SNTG1: variants seen among roughly 807,000 people sequenced by gnomAD.
SNTG1 encodes the protein syntrophin gamma 1.
Under a neutral mutation model 74.7 loss-of-function variants are expected in SNTG1, and 39 were observed. The observed-to-expected ratio is 0.52, with a 90% CI of 0.40 to 0.68. The LOEUF is 0.68. Among genes scored for constraint, SNTG1 ranks in the 30% least tolerant of loss-of-function variants. The pLI, the probability that SNTG1 is intolerant of heterozygous loss-of-function variation, is 0.00. For missense variants in SNTG1, 685 were observed against 609.5 expected (o/e 1.12, Z -1.30); for synonymous variants, 254 against 217.1 (o/e 1.17, Z -1.49).
intron 15 of SNTG1, among the ~76,000 whole-genome samples, chr8:50,678,088 C>A (rs1004151978): frequency 6.7e-6 from 1 of 150,296 alleles, no homozygotes; most frequent in Non-Finnish European, 1.5e-5. Flanking sequence ...ACATGTATCC[C>A]GGAACTTAAA....
chr8:50,598,376 C>A (rs1039880264), intron 13 of SNTG1, among the ~76,000 whole-genome samples: 3 of 151,734 alleles, frequency 2.0e-5, no homozygotes, highest in Admixed American at 6.6e-5. Context: ...GTTCTTGACA[C>A]TTTTGTTGGC....
At chr8:50,267,401 CAT>C (rs1430958967) in intron 2 of SNTG1, among the ~76,000 whole-genome samples, 1 of 152,086 alleles carries the variant, frequency 6.6e-6, no homozygotes, top group African/African-American at 2.4e-5. Context: ...CAAATATACA[CAT>C]GAGAAGATAT....
Position 50,752,043 on chromosome 8 carries a change from T to C in SNTG1, c.1327T>C (p.Ser443Pro). 1.3e-6 allele frequency: 2 copies of C among 1,570,360 alleles called. No homozygotes were observed. The highest frequency in any genetic ancestry group is 1.7e-6 in the Non-Finnish European group (2 of 1,162,204). ...TAAATTCTCTCAGCTTAAAGGTTCTTCAGATGATGGCAAGAGCAAAATCAA... is the reference window on the plus strand; with the variant it reads ...TAAATTCTCTCAGCTTAAAGGTTCTCCAGATGATGGCAAGAGCAAAATCAA... ...RYKFSQLKGS[S>P]DDGKSKIKFL... The change falls in exon 18 of 19, where the codon TCA (serine) becomes CCA (proline). Residue 443 changes from serine (S) to proline (P), a missense_variant. Ser to Pro is a moderately conservative substitution (Grantham distance 74, BLOSUM62 -1). Coordinates refer to ENST00000642720, the MANE Select transcript of SNTG1 (RefSeq NM_018967.5).
chr8:50,244,382 C>T (rs747788905), intron 2 of SNTG1, among the ~76,000 whole-genome samples: 3 of 151,978 alleles, frequency 2.0e-5, no homozygotes, highest in Non-Finnish European at 2.9e-5. Context: ...CTTTTTTTCA[C>T]TGTGTCAACA....
intron 1 of SNTG1, among the ~76,000 whole-genome samples, chr8:50,138,628 C>G (rs530137624): frequency 7.8e-5 from 11 of 140,850 alleles, no homozygotes; most frequent in Admixed American, 4.3e-4. Context: ...TCTGTCTCAA[C>G]AATAATAATA....
intron 1 of SNTG1, among the ~76,000 whole-genome samples, chr8:50,053,327 T>C (rs891406254): frequency 6.6e-6 from 1 of 151,972 alleles, no homozygotes; most frequent in Non-Finnish European, 1.5e-5. Context: ...CTAAGTGAAA[T>C]AAGTAAAAAA....
chr8:50,319,016 AC>A (rs1417445067), intron 2 of SNTG1, among the ~76,000 whole-genome samples: 2 of 151,942 alleles, frequency 1.3e-5, no homozygotes, highest in South Asian at 2.1e-4. Flanking sequence ...TACACACAGA[AC>A]ACATATACAC....
rs962478637 is a variant in SNTG1 at position 50,501,888 on chromosome 8, A to C, written c.364-890A>C. Among the ~76,000 whole-genome samples the C allele has an allele frequency of 8.6e-4, 131 of 151,996 alleles. 2 individuals are homozygous for C. The highest frequency in any genetic ancestry group is 2.0e-4 in the Admixed American group (3 of 15,264). On this transcript the variant is annotated intron_variant, in intron 8 of 18. Transcript: ENST00000642720. Reference sequence around the variant, plus strand: ...TTCCATGTTTATTAACTGCTTTTTCACTGATTATTCTTGTCTCATTTTACA... The same window carrying C: ...TTCCATGTTTATTAACTGCTTTTTCCCTGATTATTCTTGTCTCATTTTACA...
At chr8:50,059,863 G>C (rs55939418) in intron 1 of SNTG1, among the ~76,000 whole-genome samples, 1 of 152,098 alleles carries the variant, frequency 6.6e-6, no homozygotes, top group Non-Finnish European at 1.5e-5. Context: ...ATACCTAGAA[G>C]TAAAATTGCT....
In SNTG1 at chr8:50,754,573, G is replaced by C. The variant is rs1261385688; in HGVS notation, c.1395+2462G>C. On this transcript the variant is annotated intron_variant, in intron 18 of 18. Coordinates refer to ENST00000642720, the MANE Select transcript of SNTG1 (RefSeq NM_018967.5). ...TTAGATTATAATTTTTTGGTGCCTT[G>C]TCTCTGTTTTTCTGTTAATTGTGCT... Among the ~76,000 whole-genome samples, 13 of 151,718 alleles carry C rather than the reference G, an allele frequency of 8.6e-5. No homozygotes were observed. In the Admixed American group the frequency reaches 8.6e-4, roughly 10 times the overall value.
At chr8:50,048,086 T>C (rs948010554) in intron 1 of SNTG1, among the ~76,000 whole-genome samples, 2 of 152,266 alleles carry the variant, frequency 1.3e-5, no homozygotes, top group Non-Finnish European at 2.9e-5. Flanking sequence ...TAAATACATT[T>C]TTTGTGTTGG....
chr8:50,438,878 G>A (rs963096508), intron 5 of SNTG1, among the ~76,000 whole-genome samples: 1 of 152,108 alleles, frequency 6.6e-6, no homozygotes, highest in Non-Finnish European at 1.5e-5. Context: ...TAAATATGAT[G>A]TCGTGTGCAT....
intron 17 of SNTG1, among the ~76,000 whole-genome samples, chr8:50,722,456 G>T (rs377566269): frequency 3.3e-5 from 5 of 151,952 alleles, no homozygotes; most frequent in African/African-American, 4.8e-5. Context: ...GATTACAGGC[G>T]TGAACCACCA....
At chr8:49,972,962 C>T (rs1197064446) in intron 1 of SNTG1, among the ~76,000 whole-genome samples, 1 of 152,124 alleles carries the variant, frequency 6.6e-6, no homozygotes, top group Non-Finnish European at 1.5e-5. Flanking sequence ...GTGGCGATTC[C>T]TCAGGGATCT....
At chr8:50,006,268 A>G (rs868517277) in intron 1 of SNTG1, among the ~76,000 whole-genome samples, 1 of 151,914 alleles carries the variant, frequency 6.6e-6, no homozygotes, top group Non-Finnish European at 1.5e-5. Context: ...GCCTAGTAGC[A>G]CTTTTTGATA....
chr8:50,278,056 T>C lies in SNTG1; in HGVS notation c.-28+105421T>C, dbSNP rs188082276. ...TGCTTGGTGGCGTATGCCTGTAATC[T>C]CAGCTGCTAAGGAGGCTGAGGTGGG... On this transcript the variant is annotated intron_variant, in intron 2 of 18. Coordinates refer to ENST00000642720, the MANE Select transcript of SNTG1 (RefSeq NM_018967.5). Among the ~76,000 whole-genome samples the C allele has an allele frequency of 8.8e-4, 134 of 152,064 alleles. 2 individuals carry two copies. The highest frequency in any genetic ancestry group is 6.8e-3 in the Middle Eastern group (2 of 294).
At chr8:50,699,444 T>C (rs2095416185) in intron 15 of SNTG1, among the ~76,000 whole-genome samples, 1 of 152,150 alleles carries the variant, frequency 6.6e-6, no homozygotes, top group Non-Finnish European at 1.5e-5. Flanking sequence ...AGTGTGATTG[T>C]CTACACACCA....
chr8:50,695,405 G>A (rs1410654514), intron 15 of SNTG1, among the ~76,000 whole-genome samples: 4 of 152,020 alleles, frequency 2.6e-5, no homozygotes, highest in Non-Finnish European at 4.4e-5. Flanking sequence ...TTTATTTACT[G>A]AGTAGATAAG....
intron 1 of SNTG1, among the ~76,000 whole-genome samples, chr8:49,981,484 C>A (rs1219195232): frequency 1.3e-5 from 2 of 151,984 alleles, no homozygotes; most frequent in African/African-American, 4.8e-5. Context: ...TACAGTAGTG[C>A]ACTATTGTTT....
Sources: gnomAD v4.1 joint callset for allele counts (sites outside exome capture counted in the v4.1 genomes callset) on GRCh38, gnomAD v4.1.1 for gene constraint, MANE v1.5 for transcripts, NCBI Gene and HGNC (gene_info 2026-07-23, HGNC 2026-07-21) for gene names.